Variants in LIPC observed in about 807,000 individuals in gnomAD.
LIPC encodes the protein lipase C, hepatic type.
Under a neutral mutation model 50.7 loss-of-function variants are expected in LIPC, and 44 were observed. That is an observed-to-expected ratio of 0.87 (90% CI 0.68 to 1.11). The LOEUF is 1.11. Among genes scored for constraint, LIPC ranks in the 50% most tolerant of loss-of-function variants. LIPC has a pLI of 0.00. For synonymous variants in LIPC, 271 were observed against 256.4 expected (o/e 1.06, Z -0.54); for missense variants, 697 against 648.2 (o/e 1.08, Z -0.82).
At chr15:58,548,900 T>C (rs1893644196) in intron 6 of LIPC, among the ~76,000 whole-genome samples, 2 of 152,334 alleles carry the variant, frequency 1.3e-5, no homozygotes, top group African/African-American at 4.8e-5. Context: ...CGGATCTCAC[T>C]GTACAGGGAC....
chr15:58,469,102 T>TTGTGTGTGTG lies in LIPC; in HGVS notation c.88+37014_88+37023dup, dbSNP rs56309142. ...AACTTAAACGGCTTCAGGGAACATT[T>TTGTGTGTGTG]TGTGTGTGTGTGTGTGTGTGTGTGT... On this transcript the variant is annotated intron_variant, in intron 1 of 8. Transcript: ENST00000299022. Among the ~76,000 whole-genome samples the TTGTGTGTGTG allele has an allele frequency of 6.2e-3, 870 of 140,700 alleles. 6 individuals carry two copies. Among genetic ancestry groups the TTGTGTGTGTG allele is most frequent in the African/African-American group, 7.7e-3 (289 of 37,566 alleles). 92.3% of individuals were successfully genotyped at this position (140,700 alleles called of 152,430 possible).
At chr15:58,460,355 G>A (rs1894297923) in intron 1 of LIPC, among the ~76,000 whole-genome samples, 1 of 152,238 alleles carries the variant, frequency 6.6e-6, no homozygotes, top group South Asian at 2.1e-4. Flanking sequence ...GGGCCGACTT[G>A]GGATGTGGAT....
In LIPC at chr15:58,560,945, G is replaced by C. The variant is rs1894139706; in HGVS notation, c.1133G>C (p.Gly378Ala). Reference sequence around the variant, plus strand: ...ACAACTTTTACCATGTCACTACTCGGAACAAAAGAGAAAATGCAGAAAATT... The same window carrying C: ...ACAACTTTTACCATGTCACTACTCGCAACAAAAGAGAAAATGCAGAAAATT... ...IQTTFTMSLLGTKEKMQKIPI... is the reference protein window; with the variant it reads ...IQTTFTMSLLATKEKMQKIPI... The change falls in exon 7 of 9, where the codon GGA (glycine) becomes GCA (alanine). Residue 378 changes from glycine to alanine, a missense_variant. By Grantham distance (60) the Gly-to-Ala change is moderately conservative. Transcript: ENST00000299022. 1 of 1,569,528 alleles carries C rather than the reference G, an allele frequency of 6.4e-7. No individual in the cohort carries two copies. The highest frequency in any genetic ancestry group is 1.1e-5 in the South Asian group (1 of 90,108).
At chr15:58,474,167 C>T (rs950390106) in intron 1 of LIPC, among the ~76,000 whole-genome samples, 10 of 152,086 alleles carry the variant, frequency 6.6e-5, no homozygotes, top group South Asian at 2.1e-4. Flanking sequence ...GAAGAGGGGA[C>T]GGTTTCTTCA....
chr15:58,560,375 T>C lies in LIPC; in HGVS notation c.1052-489T>C, dbSNP rs111546998. ...ACTGCCCCGGAATATAAACGCTTGG[T>C]CACTAGGGCATATATTTCTTGGCTG... is the stretch of plus-strand genomic sequence containing the variant. On this transcript the variant is annotated intron_variant, in intron 6 of 8. Transcript: ENST00000299022. 4.9e-3 allele frequency among the ~76,000 whole-genome samples: 753 copies of C among 152,274 alleles called. 4 individuals are homozygous for C. The highest frequency in any genetic ancestry group is 0.016 in the African/African-American group (675 of 41,544).
rs552122740 is a variant in LIPC at position 58,533,131 on chromosome 15, T to G, written c.89-5202T>G. 10 of 983,716 alleles carry G rather than the reference T, an allele frequency of 1.0e-5. No individual in the cohort carries two copies. In the South Asian group the frequency reaches 1.9e-4, roughly 19 times the overall value. The allele number at this position is 983,716 out of a possible 1,614,324, so 60.9% of individuals were successfully genotyped here. Reference sequence around the variant, plus strand: ...AAACCACAGTATCATCCCCAGATTCTTATCACTGGTGTGACTACCTCTTCT... The same window carrying G: ...AAACCACAGTATCATCCCCAGATTCGTATCACTGGTGTGACTACCTCTTCT... On this transcript the variant is annotated intron_variant, in intron 1 of 8. Coordinates refer to ENST00000299022, the MANE Select transcript of LIPC (RefSeq NM_000236.3).
intron 1 of LIPC, among the ~76,000 whole-genome samples, chr15:58,443,684 C>T (rs1204033948): frequency 6.6e-6 from 1 of 152,204 alleles, no homozygotes; most frequent in Non-Finnish European, 1.5e-5. Flanking sequence ...CTGTCTCACG[C>T]ATGTGAAGAG....
At chr15:58,533,097 C>T (rs1351803467) in intron 1 of LIPC, 1 of 907,754 alleles carries the variant, frequency 1.1e-6, no homozygotes, top group East Asian at 1.2e-4. Flanking sequence ...TTTAATATTC[C>T]TCCTCCTAAA....
intron 1 of LIPC, among the ~76,000 whole-genome samples, chr15:58,496,607 T>G (rs1195933054): frequency 6.6e-6 from 1 of 152,108 alleles, no homozygotes; most frequent in Non-Finnish European, 1.5e-5. Flanking sequence ...TGTCTGACTG[T>G]TTGAAATCAA....
At chr15:58,524,717 C>G (rs1037443156) in intron 1 of LIPC, among the ~76,000 whole-genome samples, 1 of 152,196 alleles carries the variant, frequency 6.6e-6, no homozygotes, top group Non-Finnish European at 1.5e-5. Context: ...TTCTGTGAAA[C>G]GGCTCCTCAT....
At chr15:58,433,334 T>C (rs1192792413) in intron 1 of LIPC, among the ~76,000 whole-genome samples, 1 of 152,244 alleles carries the variant, frequency 6.6e-6, no homozygotes, top group African/African-American at 2.4e-5. Context: ...AGGGCCTCTA[T>C]CATAAATCCT....
At chr15:58,436,275 G>A (rs72740878) in intron 1 of LIPC, 9,869 of 162,322 alleles carry the variant, frequency 0.061, 381 homozygotes, top group African/African-American at 0.11. Context: ...AAATGATAGC[G>A]TAGTGGTTGT....
At chr15:58,539,114 T>C (rs1341084953) in intron 2 of LIPC, among the ~76,000 whole-genome samples, 1 of 152,210 alleles carries the variant, frequency 6.6e-6, no homozygotes, top group Admixed American at 6.5e-5. Context: ...TAGTCCAAGA[T>C]GGCAGCTAGA....
intron 4 of LIPC, among the ~76,000 whole-genome samples, chr15:58,543,644 T>C (rs1352376177): frequency 1.3e-5 from 2 of 152,152 alleles, no homozygotes; most frequent in African/African-American, 4.8e-5. Context: ...AGGACATTTT[T>C]TTTTCTTTTG....
At chr15:58,474,075 G>A (rs111453558) in intron 1 of LIPC, among the ~76,000 whole-genome samples, 21 of 152,284 alleles carry the variant, frequency 1.4e-4, no homozygotes, top group African/African-American at 4.8e-4. Flanking sequence ...AAGTTACTTG[G>A]TCCAAAGCCC....
chr15:58,543,849 C>T (rs1893425815), intron 4 of LIPC, among the ~76,000 whole-genome samples: 1 of 152,036 alleles, frequency 6.6e-6, no homozygotes, highest in Admixed American at 6.6e-5. Flanking sequence ...CTCGAACTCC[C>T]AACCTCAGGT....
intron 1 of LIPC, among the ~76,000 whole-genome samples, chr15:58,482,098 T>C (rs1891209285): frequency 6.6e-6 from 1 of 152,212 alleles, no homozygotes; most frequent in South Asian, 2.1e-4. Flanking sequence ...TATCTTTCTT[T>C]TAAATTTTAA....
At chr15:58,513,721 C>G (rs560872424) in intron 1 of LIPC, among the ~76,000 whole-genome samples, 1 of 152,360 alleles carries the variant, frequency 6.6e-6, no homozygotes, top group South Asian at 2.1e-4. Flanking sequence ...CTCAAAGCAA[C>G]TCCCTCAGTT....
intron 1 of LIPC, among the ~76,000 whole-genome samples, chr15:58,486,020 T>C (rs745645486): frequency 1.3e-5 from 2 of 152,214 alleles, no homozygotes; most frequent in Non-Finnish European, 2.9e-5. Context: ...TCCCTGTTCT[T>C]CCTAGAAGTA....
Sources: allele counts gnomAD v4.1 joint callset (sites outside exome capture counted in the v4.1 genomes callset), GRCh38; gene constraint gnomAD v4.1.1; transcripts MANE v1.5; gene names NCBI Gene and HGNC (gene_info 2026-07-23, HGNC 2026-07-21).